PPIP5K2: variants seen among roughly 807,000 people sequenced by gnomAD.
PPIP5K2 encodes inositol hexakisphosphate and diphosphoinositol-pentakisphosphate kinase 2.
A neutral mutation model predicts 154.6 loss-of-function variants in PPIP5K2; 105 were observed. The ratio of observed to expected loss-of-function variants is 0.68; its 90% CI spans 0.58 to 0.80. The LOEUF is 0.80. Among genes scored for constraint, PPIP5K2 ranks in the 30% least tolerant of loss-of-function variants. The pLI is 0.00. For missense variants in PPIP5K2, 992 were observed against 1,504.6 expected (o/e 0.66, Z 5.64); for synonymous variants, 480 against 490.3 (o/e 0.98, Z 0.28).
chr5:103,172,742 A>C (rs1217516383), intron 19 of PPIP5K2, among the ~76,000 whole-genome samples: 1 of 151,804 alleles, frequency 6.6e-6, no homozygotes, highest in Non-Finnish European at 1.5e-5. Context: ...TAGTCTTTTA[A>C]ATCTTTGACA....
intron 1 of PPIP5K2, among the ~76,000 whole-genome samples, chr5:103,127,920 C>A (rs1789973820): frequency 6.7e-6 from 1 of 149,912 alleles, no homozygotes; most frequent in African/African-American, 2.4e-5. Flanking sequence ...GTTTTACAGC[C>A]ACTGGAAACT....
chr5:103,186,267 A>C, intron 26 of PPIP5K2, 53 bp from the exon 27 acceptor site: 1 of 1,609,468 alleles, frequency 6.2e-7, no homozygotes, highest in Non-Finnish European at 8.5e-7. Flanking sequence ...ATGAATTCCC[A>C]ATGTGAATGG....
chr5:103,160,271 A>C (rs1004098986), intron 17 of PPIP5K2, among the ~76,000 whole-genome samples: 4 of 152,188 alleles, frequency 2.6e-5, no homozygotes, highest in African/African-American at 9.7e-5. Flanking sequence ...CATTTCCTTT[A>C]GCTGTATACC....
chr5:103,198,215 A>G (rs1209688630), intron 30 of PPIP5K2, among the ~76,000 whole-genome samples: 2 of 151,884 alleles, frequency 1.3e-5, no homozygotes, highest in African/African-American at 4.8e-5. Flanking sequence ...TCAATTTCTT[A>G]TTTAGTTCCA....
At chr5:103,144,154 A>AC (rs1554208328) in intron 5 of PPIP5K2, among the ~76,000 whole-genome samples, 1 of 150,412 alleles carries the variant, frequency 6.6e-6, no homozygotes, top group Non-Finnish European at 1.5e-5. Context: ...TGAAAAAGAA[A>AC]CTAAAAAAAA....
intron 1 of PPIP5K2, among the ~76,000 whole-genome samples, chr5:103,127,772 C>T (rs1789940066): frequency 6.6e-6 from 1 of 151,440 alleles, no homozygotes; most frequent in African/African-American, 2.5e-5. Context: ...ATGTACCTGA[C>T]TCCAGAACAT....
Position 103,155,940 on chromosome 5 carries a change from G to C in PPIP5K2, c.1435G>C (p.Val479Leu). The C allele has an allele frequency of 6.2e-7, 1 of 1,604,088 alleles. No individual in the cohort carries two copies. The highest frequency in any genetic ancestry group is 8.5e-7 in the Non-Finnish European group (1 of 1,171,190). The change falls in exon 14 of 31, where the codon GTT becomes CTT. Residue 479 changes from valine to leucine, a missense_variant. Physicochemically the swap from Val to Leu is conservative, Grantham distance 32 (BLOSUM62 1). Transcript: ENST00000358359. ...TCATTTTTCTGGAATAAATCGTAAG[G>C]TTCAGTTGACCTATCTCCCTCATGG... ...YGHFSGINRK[V>L]QLTYLPHGCP... is the part of the protein sequence containing the mutation.
At position 103,177,809 on chromosome 5, in the gene PPIP5K2, A is replaced by G. The variant is rs1554221462; in HGVS notation, c.2637+35A>G. ...GCTCTTGATTTGTGTTTTACCAGAC[A>G]TAAATAAAGAGCTTAAAGTTTCTCA... On this transcript the variant is annotated intron_variant, in intron 22 of 30. Transcript: ENST00000358359. 7 of 1,595,014 alleles carry G rather than the reference A, an allele frequency of 4.4e-6. No individual in the cohort carries two copies. In the African/African-American group the frequency reaches 5.4e-5, roughly 12 times the overall value.
intron 21 of PPIP5K2, among the ~76,000 whole-genome samples, chr5:103,175,385 T>TG (rs1196338268): frequency 3.5e-5 from 5 of 142,604 alleles, no homozygotes; most frequent in African/African-American, 7.9e-5. Context: ...TGTGGATTAG[T>TG]GGGAAAAAAA....
chr5:103,194,129 AT>A (rs199720735), intron 29 of PPIP5K2, among the ~76,000 whole-genome samples: 17 of 151,188 alleles, frequency 1.1e-4, no homozygotes, highest in African/African-American at 3.2e-4. Context: ...TGTAATTGTT[AT>A]TTTTTTTTAA....
In PPIP5K2 at chr5:103,212,648, C is replaced by T; in HGVS notation, c.*11014C>T. The T allele has an allele frequency of 6.6e-6, 1 of 151,086 alleles. No homozygotes were observed. The highest frequency in any genetic ancestry group is 2.1e-4 in the South Asian group (1 of 4,824). The allele number at this position is 151,086 out of a possible 1,614,324, so 9.4% of individuals were successfully genotyped here. A position where few individuals can be genotyped will look rare whatever the true frequency, so the allele number is the denominator to read the frequency against. On this transcript the variant is annotated 3_prime_UTR_variant, in exon 31 of 31. Transcript: ENST00000358359. ...ATTTTTCATAAAATGCTAATAGAAT[C>T]CCAAAGGAAGTGTGTATTCTAAAAT...
In PPIP5K2 at chr5:103,190,989, A is replaced by G; in HGVS notation, c.3493+7A>G. 2 of 1,601,784 alleles carry G rather than the reference A, an allele frequency of 1.2e-6. No homozygotes were observed. The highest frequency in any genetic ancestry group is 1.7e-6 in the Non-Finnish European group (2 of 1,175,552). ...CGGAAGACCGCTGAAATTTGTAGGA[A>G]ATTTTTCTTTCATTGTTATTATTTA... is the stretch of plus-strand genomic sequence containing the variant. On this transcript the variant is annotated splice_region_variant and intron_variant, in intron 29 of 30. Coordinates refer to ENST00000358359, the MANE Select transcript of PPIP5K2 (RefSeq NM_001276277.3).
chr5:103,147,911 T>C lies in PPIP5K2; in HGVS notation c.643-20T>C, dbSNP rs1554209734. The C allele has an allele frequency of 1.3e-6, 2 of 1,484,364 alleles. No individual in the cohort carries two copies. The highest frequency in any genetic ancestry group is 1.4e-5 in the African/African-American group (1 of 70,432). The allele number at this position is 1,484,364 out of a possible 1,614,324, so 91.9% of individuals were successfully genotyped here. A position where few individuals can be genotyped will look rare whatever the true frequency, so the allele number is the denominator to read the frequency against. On this transcript the variant is annotated intron_variant, in intron 6 of 30. Coordinates refer to ENST00000358359, the MANE Select transcript of PPIP5K2 (RefSeq NM_001276277.3). ...GAAATAATTTGCTTTTTTATATCGA[T>C]GGACATCTTTTGTTTTCAGATTGGC...
At chr5:103,126,075 G>A (rs1789619219) in intron 1 of PPIP5K2, among the ~76,000 whole-genome samples, 1 of 152,040 alleles carries the variant, frequency 6.6e-6, no homozygotes, top group Admixed American at 6.6e-5. Context: ...CTGCTTTAGA[G>A]GCTTTATACT....
chr5:103,168,447 G>T, intron 19 of PPIP5K2, 152 bp downstream of exon 19: 1 of 625,968 alleles, frequency 1.6e-6, no homozygotes, highest in Non-Finnish European at 2.7e-6. Context: ...ATATTTTAAG[G>T]TTTTTATGGT....
Position 103,201,521 on chromosome 5 carries a change from G to A in PPIP5K2, c.3620-1G>A, listed in dbSNP as rs1380806496. 2 of 1,549,090 alleles carry A rather than the reference G, an allele frequency of 1.3e-6. No homozygotes were observed. Among genetic ancestry groups the A allele is most frequent in the Non-Finnish European group, 8.7e-7 (1 of 1,147,438 alleles). On this transcript the variant is annotated splice_acceptor_variant, in intron 30 of 30. Transcript: ENST00000358359. LOFTEE classifies it high-confidence loss of function. ...TTTTTTTTTGTTTTTGTTTTATGTAGCTACAAGTGGACCTTCTAGTGCAGT... is the reference window on the plus strand; with the variant it reads ...TTTTTTTTTGTTTTTGTTTTATGTAACTACAAGTGGACCTTCTAGTGCAGT...
At chr5:103,164,293 C>T (rs1554217065) in intron 17 of PPIP5K2, among the ~76,000 whole-genome samples, 1 of 151,678 alleles carries the variant, frequency 6.6e-6, no homozygotes, top group East Asian at 1.9e-4. Flanking sequence ...TTTATTAGTC[C>T]TTTCAAAGAA....
rs1379222882 is a variant in PPIP5K2, at chr5:103,187,405, C to T, written c.3352+29C>T. The T allele has an allele frequency of 1.2e-5, 18 of 1,462,856 alleles. No homozygotes were observed. In the Admixed American group the frequency reaches 1.4e-4, roughly 11 times the overall value. 90.6% of individuals were successfully genotyped at this position (1,462,856 alleles called of 1,614,324 possible). ...CGTTTTGCTTTTATTTTAAAAGATA[C>T]TCCCCTGCTTCATCCCTTTTTTATT... On this transcript the variant is annotated intron_variant, in intron 28 of 30. Coordinates refer to ENST00000358359, the MANE Select transcript of PPIP5K2 (RefSeq NM_001276277.3).
intron 23 of PPIP5K2, among the ~76,000 whole-genome samples, chr5:103,179,234 G>A (rs114019186): frequency 6.6e-6 from 1 of 152,024 alleles, no homozygotes; most frequent in African/African-American, 2.4e-5. Flanking sequence ...TTAATTTGAT[G>A]AGGGTTTTTA....
Sources: allele counts gnomAD v4.1 joint callset (sites outside exome capture counted in the v4.1 genomes callset), GRCh38; gene constraint gnomAD v4.1.1; transcripts MANE v1.5; gene names NCBI Gene and HGNC (gene_info 2026-07-23, HGNC 2026-07-21).